The following ZNF540 variants were observed in gnomAD, a reference collection of about 807,000 sequenced individuals.
ZNF540 encodes CTD-3064H18.6.
A neutral mutation model predicts 11.8 loss-of-function variants in ZNF540; 3 were observed. The ratio of observed to expected loss-of-function variants is 0.25; its 90% confidence interval spans 0.12 to 0.65. ZNF540 has a LOEUF of 0.65. Ranked by LOEUF, ZNF540 falls within the 30% of genes least tolerant of loss-of-function variation. The pLI, the probability that ZNF540 is intolerant of heterozygous loss-of-function variation, is 0.83. For synonymous variants in ZNF540, 247 were observed against 259.0 expected (o/e 0.95, Z 0.45); for missense variants, 709 against 793.1 (o/e 0.89, Z 1.27).
chr19:37,598,477 C>T (rs753312018), intron 2 of ZNF540, 21 bp downstream of exon 2: 11 of 1,613,154 alleles, frequency 6.8e-6, no homozygotes, highest in African/African-American at 6.7e-5. Context: ...GTTTCTCTTT[C>T]CTTTTTAGAT....
intron 1 of ZNF540, among the ~76,000 whole-genome samples, chr19:37,552,143 C>T (rs1248660336): frequency 6.6e-6 from 1 of 152,142 alleles, no homozygotes; most frequent in African/African-American, 2.4e-5. Context: ...TAATTTTTTA[C>T]TTGTCCCATA....
chr19:37,556,171 G>A (rs1157951723), intron 1 of ZNF540: 5 of 697,942 alleles, frequency 7.2e-6, no homozygotes, highest in African/African-American at 1.8e-5. Flanking sequence ...TCTGGGAACA[G>A]TACACATAAA....
At chr19:37,565,299 G>A in intron 1 of ZNF540, 2 of 1,610,954 alleles carry the variant, frequency 1.2e-6, no homozygotes, top group Non-Finnish European at 8.5e-7. Flanking sequence ...TAAGTAAGTT[G>A]TGAGCCACGA....
chr19:37,610,317 G>C (rs1381821085), intron 4 of ZNF540, among the ~76,000 whole-genome samples: 1 of 152,212 alleles, frequency 6.6e-6, no homozygotes, highest in East Asian at 1.9e-4. Flanking sequence ...CTGTATGCTA[G>C]TGGGTAGTTA....
chr19:37,612,075 C>G lies in ZNF540; in HGVS notation c.795C>G (p.His265Gln). The G allele has an allele frequency of 1.9e-6, 3 of 1,611,522 alleles. No homozygotes were observed. Among genetic ancestry groups the G allele is most frequent in the Non-Finnish European group, 2.5e-6 (3 of 1,179,508 alleles). The change falls in exon 5 of 5, where the codon CAC becomes CAG. Residue 265 changes from histidine to glutamine, a missense_variant. His to Gln is a conservative substitution (Grantham distance 24). Coordinates refer to ENST00000316433, the MANE Select transcript of ZNF540 (RefSeq NM_001172225.3). ...AACTTAATCGACATCAGAAAATTCA[C>G]ACTGGTAAAAAACCCTATATGTGTA... ...YPQLNRHQKI[H>Q]TGKKPYMCKK...
Position 37,612,552 on chromosome 19 carries a change from T to C in ZNF540, c.1272T>C (p.Gly424=), listed in dbSNP as rs767574265. ...KVCEKAFSYS[G]DLRVHSRIHT... ...GTGAGAAGGCTTTTAGTTATAGTGG[T>C]GACCTCAGAGTACATTCTAGAATTC... The change falls in exon 5 of 5, where the codon GGT becomes GGC. Residue 424 remains glycine, a synonymous_variant. Coordinates refer to ENST00000316433, the MANE Select transcript of ZNF540 (RefSeq NM_001172225.3). 1 of 1,614,098 alleles carries C rather than the reference T, an allele frequency of 6.2e-7. No homozygotes were observed. The highest frequency in any genetic ancestry group is 8.5e-7 in the Non-Finnish European group (1 of 1,180,002).
intron 1 of ZNF540, among the ~76,000 whole-genome samples, chr19:37,559,720 A>T (rs2042697514): frequency 6.6e-6 from 1 of 152,228 alleles, no homozygotes; most frequent in African/African-American, 2.4e-5. Context: ...GTGAAAACTT[A>T]TTGGGAGAGA....
chr19:37,600,972 T>C (rs2044034475), intron 3 of ZNF540, 38 bp from the exon 4 acceptor site: 10 of 1,500,536 alleles, frequency 6.7e-6, no homozygotes, highest in Non-Finnish European at 9.1e-6. Flanking sequence ...TGCAATGTTT[T>C]ATTTCTATAT....
At position 37,556,011 on chromosome 19, in the gene ZNF540, T is replaced by TAA. The variant is rs574400708; in HGVS notation, c.-73+4349_-73+4350dup. ...GTCAGGGTGATTCCCAGGACAGAGG[T>TAA]AAAAGTCAACATTTTGGAGTCCTTT... On this transcript the variant is annotated intron_variant, in intron 1 of 4. Transcript: ENST00000592533. The TAA allele has an allele frequency of 4.0e-5, 28 of 702,044 alleles. No homozygotes were observed. The South Asian group carries it at 4.1e-4, about 10-fold the overall frequency. The allele number at this position is 702,044 out of a possible 1,614,324, so 43.5% of individuals were successfully genotyped here.
chr19:37,612,323 T>G lies in ZNF540; in HGVS notation c.1043T>G (p.Ile348Ser). The change falls in exon 5 of 5, where the codon ATT becomes AGT. Residue 348 changes from isoleucine (I) to serine (S), a missense_variant. Coordinates refer to ENST00000316433, the MANE Select transcript of ZNF540 (RefSeq NM_001172225.3). Reference sequence around the variant, plus strand: ...GGACAACTTACCCGTCATCAGAAAATTCATACTGGTGTAAAACCCTACGAA... The same window carrying G: ...GGACAACTTACCCGTCATCAGAAAAGTCATACTGGTGTAAAACCCTACGAA... The part of the protein sequence containing the change: ...VCGQLTRHQK[I>S]HTGVKPYECK... 6.2e-7 allele frequency: 1 copy of G among 1,614,024 alleles called. No individual in the cohort carries two copies. Among genetic ancestry groups the G allele is most frequent in the South Asian group, 1.1e-5 (1 of 91,070 alleles).
intron 1 of ZNF540, chr19:37,565,398 A>C (rs2042817658): frequency 1.2e-6 from 2 of 1,613,744 alleles, no homozygotes; most frequent in Non-Finnish European, 1.7e-6. Flanking sequence ...GCACATAAAA[A>C]GGCTTTCCCA....
intron 1 of ZNF540, among the ~76,000 whole-genome samples, chr19:37,578,791 AG>A (rs1382590969): frequency 1.3e-5 from 2 of 152,160 alleles, no homozygotes; most frequent in Non-Finnish European, 2.9e-5. Flanking sequence ...AGGCTCTTCC[AG>A]CGCAGCAACC....
rs560996926 is a variant in ZNF540, at chr19:37,561,148, G to A, written c.-73+9483G>A. On this transcript the variant is annotated intron_variant, in intron 1 of 4. Coordinates refer to the ZNF540 transcript ENST00000592533. Reference sequence around the variant, plus strand: ...CCCAGCTACTTGGAAGGTTGAAGCAGGAGGATCACTTGAGCCCAGGAGTTT... The same window carrying A: ...CCCAGCTACTTGGAAGGTTGAAGCAAGAGGATCACTTGAGCCCAGGAGTTT... 3.3e-5 allele frequency among the ~76,000 whole-genome samples: 5 copies of A among 151,976 alleles called. No individual in the cohort carries two copies. The South Asian group carries it at 1.0e-3, about 32-fold the overall frequency.
In ZNF540 at chr19:37,564,694, C is replaced by T. The variant is rs368571989; in HGVS notation, c.-73+13029C>T. On this transcript the variant is annotated intron_variant, in intron 1 of 4. Coordinates refer to the ZNF540 transcript ENST00000592533. Reference sequence around the variant, plus strand: ...TATAGGGTTTCTCACCAGTATGGATCCTTTGATGCAGAGTAAGTTCTGAGC... The same window carrying T: ...TATAGGGTTTCTCACCAGTATGGATTCTTTGATGCAGAGTAAGTTCTGAGC... 114 of 1,613,490 alleles carry T rather than the reference C, an allele frequency of 7.1e-5. No individual in the cohort carries two copies. In the African/African-American group the frequency reaches 1.3e-3, roughly 19 times the overall value.
intron 1 of ZNF540, among the ~76,000 whole-genome samples, chr19:37,595,870 T>C (rs560532139): frequency 7.2e-4 from 110 of 152,356 alleles, no homozygotes; most frequent in Non-Finnish European, 1.2e-3. Context: ...ATATGGCTAA[T>C]AGTCTTCCTA....
intron 4 of ZNF540, among the ~76,000 whole-genome samples, chr19:37,605,643 T>C (rs2044079608): frequency 6.6e-6 from 1 of 152,042 alleles, no homozygotes; most frequent in African/African-American, 2.4e-5. Flanking sequence ...AGTGAAACTC[T>C]TGTCGCAAAA....
chr19:37,604,213 T>C (rs906883656), intron 4 of ZNF540, among the ~76,000 whole-genome samples: 3 of 151,534 alleles, frequency 2.0e-5, no homozygotes, highest in Non-Finnish European at 4.4e-5. Flanking sequence ...AGGAAATTAA[T>C]AGTTTCCTTA....
intron 1 of ZNF540, chr19:37,566,440 G>A: frequency 1.2e-6 from 1 of 858,456 alleles, no homozygotes; most frequent in Admixed American, 3.2e-5. Context: ...TTCTTTAAAG[G>A]CACAAGGAGA....
intron 1 of ZNF540, among the ~76,000 whole-genome samples, chr19:37,554,592 A>C (rs2042640530): frequency 6.6e-6 from 1 of 152,236 alleles, no homozygotes; most frequent in East Asian, 1.9e-4. Flanking sequence ...AGCTTCTTAG[A>C]TCTGTGGCTG....
Sources: allele counts gnomAD v4.1 joint callset (sites outside exome capture counted in the v4.1 genomes callset), GRCh38; gene constraint gnomAD v4.1.1; transcripts MANE v1.5; gene names NCBI Gene and HGNC (gene_info 2026-07-23, HGNC 2026-07-21).